CDC6: variants seen among roughly 807,000 people sequenced by gnomAD.
CDC6 encodes the protein DNA replication factor CDC6.
Under a neutral mutation model 60.2 loss-of-function variants are expected in CDC6, and 46 were observed. The observed-to-expected ratio is 0.76, with a 90% CI of 0.60 to 0.98. CDC6 has a LOEUF of 0.98. CDC6 is among the 50% of genes least tolerant of loss of function. The pLI, the probability that CDC6 is intolerant of heterozygous loss-of-function variation, is 0.00. For synonymous variants in CDC6, 210 were observed against 233.2 expected, an observed-to-expected ratio of 0.90 and a Z score of 0.90; for missense variants, 596 against 652.9, an observed-to-expected ratio of 0.91 and a Z score of 0.95.
chr17:40,296,335 C>T lies in CDC6; in HGVS notation c.1185-368C>T, dbSNP rs1019928329. Among the ~76,000 whole-genome samples the T allele has an allele frequency of 3.9e-5, 6 of 152,132 alleles. No homozygotes were observed. The South Asian group carries it at 1.2e-3, about 32-fold the overall frequency. On this transcript the variant is annotated intron_variant, in intron 8 of 11. Coordinates refer to ENST00000209728, the MANE Select transcript of CDC6 (RefSeq NM_001254.4). Reference sequence around the variant, plus strand: ...TCACCCACACTACATATCCTCTCTCCTACCCATGACATTTTCTCCTCATCC... The same window carrying T: ...TCACCCACACTACATATCCTCTCTCTTACCCATGACATTTTCTCCTCATCC...
At position 40,289,618 on chromosome 17, in the gene CDC6, A is replaced by C. The variant is rs1380273953; in HGVS notation, c.178+20A>C. 1 of 1,600,118 alleles carries C rather than the reference A, an allele frequency of 6.2e-7. No individual in the cohort carries two copies. The highest frequency in any genetic ancestry group is 1.7e-5 in the Admixed American group (1 of 59,698). ...GTCTGGGTAAACCATCCATTATATC[A>C]CTTTTTCACTAGCAGCTCGTGACCT... On this transcript the variant is annotated intron_variant, in intron 2 of 11. Coordinates refer to ENST00000209728, the MANE Select transcript of CDC6 (RefSeq NM_001254.4).
chr17:40,291,113 A>G lies in CDC6; in HGVS notation c.234A>G (p.Gln78=). 2 of 1,614,184 alleles carry G rather than the reference A, an allele frequency of 1.2e-6. No individual in the cohort carries two copies. The highest frequency in any genetic ancestry group is 2.7e-5 in the African/African-American group (2 of 75,056). ...TACCTCCTTGTTCTCCACCAAAGCA[A>G]GGCAAGAAAGAGAATGGTCCCCCTC... The part of the protein sequence containing the change: ...PHLPPCSPPK[Q]GKKENGPPHS... The change falls in exon 3 of 12, where the codon CAA becomes CAG. Residue 78 remains glutamine (Q), a synonymous_variant. Transcript: ENST00000209728.
At chr17:40,296,099 T>C (rs551469387) in intron 8 of CDC6, among the ~76,000 whole-genome samples, 40 of 152,152 alleles carry the variant, frequency 2.6e-4, no homozygotes, top group Non-Finnish European at 4.6e-4. Context: ...GAGAGAGCAG[T>C]GGGAGAGTAA....
chr17:40,301,075 C>A, intron 10 of CDC6, 45 bp downstream of exon 10: 1 of 1,369,586 alleles, frequency 7.3e-7, no homozygotes, highest in Non-Finnish European at 1.0e-6. Context: ...AGATCAGAAT[C>A]TGCTTTGCAG....
At chr17:40,288,685 T>A (rs946680315) in intron 1 of CDC6, among the ~76,000 whole-genome samples, 1 of 147,292 alleles carries the variant, frequency 6.8e-6, no homozygotes, top group Non-Finnish European at 1.5e-5. Context: ...CCCGGGTTCA[T>A]GCCATTCTCC....
rs1282577669 is a variant in CDC6, at chr17:40,304,156, C to A, written c.*2155C>A. Reference sequence around the variant, plus strand: ...TTCTGTCTACTGATTTGTTAGTTTCCTTTTCTTCTCCCCTCACTGTCAATT... The same window carrying A: ...TTCTGTCTACTGATTTGTTAGTTTCATTTTCTTCTCCCCTCACTGTCAATT... On this transcript the variant is annotated 3_prime_UTR_variant, in exon 12 of 12. Transcript: ENST00000209728. 1 of 152,272 alleles carries A rather than the reference C, an allele frequency of 6.6e-6. No homozygotes were observed. Among genetic ancestry groups the A allele is most frequent in the Non-Finnish European group, 1.5e-5 (1 of 68,080 alleles). 9.4% of individuals were successfully genotyped at this position (152,272 alleles called of 1,614,324 possible).
In CDC6 at chr17:40,293,421, C is replaced by A. The variant is rs773883124; in HGVS notation, c.661-35C>A. The stretch of plus-strand genomic sequence containing the variant: ...CTATCAGATCTTTATTTTCTGAGGC[C>A]AAAATAACTCCCATATTTGCATTTT... On this transcript the variant is annotated intron_variant, in intron 4 of 11. Coordinates refer to ENST00000209728, the MANE Select transcript of CDC6 (RefSeq NM_001254.4). The A allele has an allele frequency of 1.2e-5, 19 of 1,581,376 alleles. No individual in the cohort carries two copies. The Middle Eastern group carries it at 6.7e-4, about 56-fold the overall frequency.
chr17:40,300,731 T>C (rs1457512874), intron 9 of CDC6, 97 bp from the exon 10 acceptor site: 2 of 981,842 alleles, frequency 2.0e-6, no homozygotes, highest in African/African-American at 3.2e-5. Flanking sequence ...TATACTTGAA[T>C]TTCCTTTAGC....
At chr17:40,294,741 T>G (rs78244831) in intron 7 of CDC6, among the ~76,000 whole-genome samples, 1 of 151,956 alleles carries the variant, frequency 6.6e-6, no homozygotes, top group Non-Finnish European at 1.5e-5. Flanking sequence ...TTTTTTTTTT[T>G]TTAGATGAGT....
rs1232008109 is a variant in CDC6, at chr17:40,302,677, C to CT, written c.*679dup. ...AGCCATTAAGGTATTTTGTTAAGAA[C>CT]TTTAAGTTTAGGGTAAGAAGAATGA... On this transcript the variant is annotated 3_prime_UTR_variant, in exon 12 of 12. Transcript: ENST00000209728. The CT allele has an allele frequency of 6.6e-6, 1 of 152,120 alleles. No homozygotes were observed. Among genetic ancestry groups the CT allele is most frequent in the Non-Finnish European group, 1.5e-5 (1 of 68,058 alleles). 9.4% of individuals were successfully genotyped at this position (152,120 alleles called of 1,614,324 possible).
At chr17:40,299,210 T>G (rs1292922941) in intron 9 of CDC6, among the ~76,000 whole-genome samples, 1 of 136,538 alleles carries the variant, frequency 7.3e-6, no homozygotes, top group Non-Finnish European at 1.5e-5. Context: ...TGCAGTGGCG[T>G]GATCTTGGCT....
intron 2 of CDC6, 59 bp from the exon 3 acceptor site, chr17:40,290,999 C>A: frequency 6.5e-7 from 1 of 1,546,940 alleles, no homozygotes; most frequent in Non-Finnish European, 8.9e-7. Context: ...AGAGGTCTTG[C>A]ACATCCTTTT....
At position 40,299,138 on chromosome 17, in the gene CDC6, C is replaced by CTTTTTTTTTTTTTTTTTTTTTTTTTTT. The variant is rs67162965; in HGVS notation, c.1250-1688_1250-1662dup. On this transcript the variant is annotated intron_variant, in intron 9 of 11. Transcript: ENST00000209728. ...CATCTCCAAACGATAAGGCCATAGT[C>CTTTTTTTTTTTTTTTTTTTTTTTTTTT]TTTTTTTTTTTTTTTTTTTTTTTTT... is the stretch of plus-strand genomic sequence containing the variant. 1.3e-4 allele frequency among the ~76,000 whole-genome samples: 8 copies of CTTTTTTTTTTTTTTTTTTTTTTTTTTT among 60,802 alleles called. 2 individuals are homozygous for CTTTTTTTTTTTTTTTTTTTTTTTTTTT. Among genetic ancestry groups the CTTTTTTTTTTTTTTTTTTTTTTTTTTT allele is most frequent in the Non-Finnish European group, 2.5e-4 (8 of 32,630 alleles). The allele number at this position is 60,802 out of a possible 152,430, so 39.9% of individuals were successfully genotyped here.
At position 40,294,342 on chromosome 17, in the gene CDC6, A is replaced by G. The variant is rs77353413; in HGVS notation, c.944-22A>G. On this transcript the variant is annotated intron_variant, in intron 6 of 11. Transcript: ENST00000209728. ...TTTAGGATAATTTGACCAATGATCA[A>G]TGTTGTTGATCTCCTCCTTAGGTAT... 169 of 1,567,760 alleles carry G rather than the reference A, an allele frequency of 1.1e-4. 2 individuals carry two copies. The East Asian group carries it at 3.5e-3, about 32-fold the overall frequency.
intron 9 of CDC6, among the ~76,000 whole-genome samples, chr17:40,299,454 C>T (rs1400575712): frequency 6.6e-6 from 1 of 152,006 alleles, no homozygotes; most frequent in Non-Finnish European, 1.5e-5. Flanking sequence ...TGTGTGTTGT[C>T]CCCACTATGT....
At chr17:40,293,816 A>G (rs899012572) in intron 5 of CDC6, 134 bp from the exon 6 acceptor site, 2 of 906,766 alleles carry the variant, frequency 2.2e-6, no homozygotes, top group Non-Finnish European at 3.7e-6. Flanking sequence ...TCCTTGTAGC[A>G]GTAACTAGAG....
In CDC6 at chr17:40,294,499, A is replaced by C; in HGVS notation, c.1079A>C (p.Asn360Thr). Residue 360 changes from asparagine (N) to threonine (T), a missense_variant, in exon 7 of 12, where the codon AAT becomes ACT. By Grantham distance (65) the Asn-to-Thr change is moderately conservative. Coordinates refer to ENST00000209728, the MANE Select transcript of CDC6 (RefSeq NM_001254.4). ...QIVTILQDRL[N>T]QVSRDQVLDN... ...GTCACTATTTTGCAAGATCGACTTA[A>C]TCAGGTCAGTGCCAACTATTTTGCC... 1 of 1,614,054 alleles carries C rather than the reference A, an allele frequency of 6.2e-7. No homozygotes were observed. Among genetic ancestry groups the C allele is most frequent in the Non-Finnish European group, 8.5e-7 (1 of 1,179,978 alleles).
At chr17:40,293,244 AAAAAAAAAGAAAG>A (rs1461977119) in intron 4 of CDC6, among the ~76,000 whole-genome samples, 199 bp from the exon 5 acceptor site, 1 of 151,570 alleles carries the variant, frequency 6.6e-6, no homozygotes, top group Non-Finnish European at 1.5e-5. Flanking sequence ...GTCTCAAAGA[AAAAAAAAAGAAAG>A]AAAGAAAAGA....
intron 9 of CDC6, among the ~76,000 whole-genome samples, chr17:40,299,154 TTTTTTTTTTTTTG>T: frequency 7.5e-6 from 1 of 134,008 alleles, no homozygotes; most frequent in Non-Finnish European, 1.6e-5. Context: ...TTTTTTTTTT[TTTTTTTTTTTTTG>T]AGACAGGGTC....
Sources: gnomAD v4.1 joint callset for allele counts (sites outside exome capture counted in the v4.1 genomes callset) on GRCh38, gnomAD v4.1.1 for gene constraint, MANE v1.5 for transcripts, NCBI Gene and HGNC (gene_info 2026-07-23, HGNC 2026-07-21) for gene names.